BMPR2: variants seen among roughly 807,000 people sequenced by gnomAD.
The protein encoded by BMPR2 is bone morphogenetic protein receptor type 2, also known as bone morphogenetic protein receptor type-2.
A neutral mutation model predicts 100.8 loss-of-function variants in BMPR2; 29 were observed. The observed-to-expected ratio is 0.29, with a 90% CI of 0.21 to 0.39. BMPR2 has a LOEUF of 0.39. Among genes scored for constraint, BMPR2 ranks in the 10% least tolerant of loss-of-function variants. The pLI is 1.00. For synonymous variants in BMPR2, 382 were observed against 442.3 expected, an observed-to-expected ratio of 0.86 and a Z score of 1.71; for missense variants, 1,011 against 1,274.5, an observed-to-expected ratio of 0.79 and a Z score of 3.15.
rs561299640 is a variant in BMPR2, at chr2:202,486,276, A to T, written c.418+18587A>T. ...ACAGAATTAGTGTCTCTCTTTTGAA[A>T]TTGTCTACTTACCTATCAACATGAG... On this transcript the variant is annotated intron_variant, in intron 3 of 12. Transcript: ENST00000374580. Among the ~76,000 whole-genome samples, 34 of 152,326 alleles carry T rather than the reference A, an allele frequency of 2.2e-4. 1 individual carries two copies. The highest frequency in any genetic ancestry group is 8.2e-4 in the African/African-American group (34 of 41,562).
chr2:202,537,157 A>G (rs1688177005), intron 9 of BMPR2, among the ~76,000 whole-genome samples: 1 of 152,142 alleles, frequency 6.6e-6, no homozygotes, highest in African/African-American at 2.4e-5. Context: ...CAGCCTCCCA[A>G]AATGCTGTGA....
At chr2:202,539,139 T>A (rs555678468) in intron 9 of BMPR2, among the ~76,000 whole-genome samples, 15 of 152,282 alleles carry the variant, frequency 9.9e-5, no homozygotes, top group Admixed American at 3.9e-4. Flanking sequence ...AAAATCCTAA[T>A]GCCTTGTAAG....
intron 1 of BMPR2, among the ~76,000 whole-genome samples, chr2:202,412,392 C>T (rs1461632853): frequency 1.3e-5 from 2 of 152,168 alleles, no homozygotes; most frequent in African/African-American, 4.8e-5. Context: ...AATCTCGGCT[C>T]ACTGCAAGCT....
At chr2:202,434,908 A>AAAT (rs1559037398) in intron 1 of BMPR2, among the ~76,000 whole-genome samples, 6 of 38,426 alleles carry the variant, frequency 1.6e-4, no homozygotes, top group African/African-American at 2.3e-4. Context: ...AAAAAAAAAA[A>AAAT]ATATATATAT....
chr2:202,485,509 C>G (rs1692755267), intron 3 of BMPR2, among the ~76,000 whole-genome samples: 1 of 140,018 alleles, frequency 7.1e-6, no homozygotes. Flanking sequence ...ACATGGCCTT[C>G]ATCTCTATGT....
chr2:202,394,807 T>C (rs2105905970), intron 1 of BMPR2, among the ~76,000 whole-genome samples: 1 of 152,214 alleles, frequency 6.6e-6, no homozygotes, highest in South Asian at 2.1e-4. Flanking sequence ...AGAGGTTAAA[T>C]AAATCATCCA....
chr2:202,454,028 C>T (rs1692039266), intron 1 of BMPR2, among the ~76,000 whole-genome samples: 1 of 152,078 alleles, frequency 6.6e-6, no homozygotes, highest in Non-Finnish European at 1.5e-5. Context: ...ACTAGGACCA[C>T]TCCCCATTTT....
chr2:202,479,221 A>G (rs2105971993), intron 3 of BMPR2, among the ~76,000 whole-genome samples: 1 of 152,332 alleles, frequency 6.6e-6, no homozygotes, highest in Middle Eastern at 3.4e-3. Context: ...TTGACAAAGA[A>G]CTGAGGTCAG....
chr2:202,437,627 C>T lies in BMPR2; in HGVS notation c.77-27182C>T, dbSNP rs1018898222. On this transcript the variant is annotated intron_variant, in intron 1 of 12. Coordinates refer to ENST00000374580, the MANE Select transcript of BMPR2 (RefSeq NM_001204.7). ...TTAGCAGTAATTCTTCATTCACTCC[C>T]TCCCCAAGCCTCTGGCAACCACTAA... 6.0e-5 allele frequency among the ~76,000 whole-genome samples: 9 copies of T among 150,462 alleles called. 2 individuals carry two copies. The highest frequency in any genetic ancestry group is 3.9e-4 in the Admixed American group (6 of 15,206).
At chr2:202,523,730 G>A (rs1022113715) in intron 7 of BMPR2, among the ~76,000 whole-genome samples, 1 of 152,030 alleles carries the variant, frequency 6.6e-6, no homozygotes, top group Non-Finnish European at 1.5e-5. Flanking sequence ...CTTGAACGTG[G>A]GAGGCAGAAG....
At chr2:202,511,239 G>A (rs1045746652) in intron 3 of BMPR2, among the ~76,000 whole-genome samples, 5 of 152,012 alleles carry the variant, frequency 3.3e-5, no homozygotes, top group African/African-American at 1.2e-4. Context: ...TCATTTCAAT[G>A]GAATCATAGA....
Position 202,559,811 on chromosome 2 carries a change from A to G in BMPR2, c.2982A>G (p.Glu994=). 1 of 1,614,152 alleles carries G rather than the reference A, an allele frequency of 6.2e-7. No homozygotes were observed. Among genetic ancestry groups the G allele is most frequent in the Non-Finnish European group, 8.5e-7 (1 of 1,180,020 alleles). The change falls in exon 13 of 13, where the codon GAA becomes GAG. Residue 994 remains glutamate, a synonymous_variant. Transcript: ENST00000374580. ...CCTCCACCTGGGTCATCTCCACTGAATCGCTGGACTGTGAAGTCAACAATA... is the reference window on the plus strand; with the variant it reads ...CCTCCACCTGGGTCATCTCCACTGAGTCGCTGGACTGTGAAGTCAACAATA... The part of the protein sequence containing the change: ...WRPSTWVIST[E]SLDCEVNNNG...
rs1688545784 is a variant in BMPR2 at position 202,555,324 on chromosome 2, A to G, written c.1659A>G (p.Glu553=). Residue 553 remains glutamate, a synonymous_variant, in exon 12 of 13, where the codon GAA becomes GAG. Coordinates refer to ENST00000374580, the MANE Select transcript of BMPR2 (RefSeq NM_001204.7). ...YPDYSSSSYI[E]DSIHHTDSIV... ...ATTATTCTTCCTCCTCATACATTGA[A>G]GACTCTATCCATCATACTGACAGCA... The G allele has an allele frequency of 4.3e-6, 7 of 1,614,184 alleles. No individual in the cohort carries two copies. The highest frequency in any genetic ancestry group is 5.9e-6 in the Non-Finnish European group (7 of 1,180,006).
chr2:202,439,372 T>G (rs1025143966), intron 1 of BMPR2, among the ~76,000 whole-genome samples: 1 of 148,112 alleles, frequency 6.8e-6, no homozygotes, highest in Non-Finnish European at 1.5e-5. Flanking sequence ...TCCTTAGGAT[T>G]TGCTTATATA....
chr2:202,497,285 A>G (rs1285687072), intron 3 of BMPR2, among the ~76,000 whole-genome samples: 2 of 152,236 alleles, frequency 1.3e-5, no homozygotes, highest in African/African-American at 2.4e-5. Flanking sequence ...CGGTGAGACA[A>G]TCGCTGAGCG....
chr2:202,545,687 C>T (rs543141757), intron 10 of BMPR2, among the ~76,000 whole-genome samples: 35 of 152,278 alleles, frequency 2.3e-4, no homozygotes, highest in African/African-American at 8.4e-4. Flanking sequence ...CATTGGTTAT[C>T]TTAGTCACTA....
At chr2:202,429,320 G>A (rs765310389) in intron 1 of BMPR2, among the ~76,000 whole-genome samples, 1 of 141,866 alleles carries the variant, frequency 7.0e-6, no homozygotes, top group Non-Finnish European at 1.5e-5. Flanking sequence ...CCATCATCTG[G>A]TTCCTGCTTA....
chr2:202,515,525 C>T (rs1430019904), intron 5 of BMPR2, among the ~76,000 whole-genome samples: 3 of 149,770 alleles, frequency 2.0e-5, no homozygotes, highest in East Asian at 3.9e-4. Flanking sequence ...GAGCCGAGAT[C>T]GCACCATTGC....
chr2:202,388,312 G>A (rs528057254), intron 1 of BMPR2, among the ~76,000 whole-genome samples: 291 of 141,338 alleles, frequency 2.1e-3, no homozygotes, highest in African/African-American at 7.2e-3. Context: ...TAGGACAATC[G>A]CTTGAACCCG....
Sources: gnomAD v4.1 joint callset for allele counts (sites outside exome capture counted in the v4.1 genomes callset) on GRCh38, gnomAD v4.1.1 for gene constraint, MANE v1.5 for transcripts, NCBI Gene and HGNC (gene_info 2026-07-23, HGNC 2026-07-21) for gene names.